The following SMCO4 variants were observed in gnomAD, a reference collection of about 807,000 sequenced individuals.
SMCO4 encodes single-pass membrane and coiled-coil domain-containing protein 4.
SMCO4 carries 4 observed loss-of-function variants against 3.6 expected under a neutral mutation model. The observed-to-expected ratio is 1.11, with a 90% CI of 0.54 to 2.53. The LOEUF (loss-of-function observed/expected upper bound fraction) is 2.53. Ranked by LOEUF, SMCO4 falls within the 30% of genes most tolerant of loss-of-function variation. The probability of loss-of-function intolerance (pLI) is 0.02; values close to 1 mark genes in which losing one functional copy is unlikely to be tolerated. For synonymous variants in SMCO4, 36 were observed against 35.3 expected, an observed-to-expected ratio of 1.02 and a Z score of -0.07; for missense variants, 70 against 80.8, an observed-to-expected ratio of 0.87 and a Z score of 0.51.
In SMCO4 at chr11:93,526,489, T is replaced by C. The variant is rs1203414444; in HGVS notation, c.-154+16787A>G. ...AGTGAAATCCTAGAGCATTCAGCAC[T>C]AGGCAGTACAACACCAGGTAGACAG... On this transcript the variant is annotated intron_variant, in intron 1 of 2. Coordinates refer to ENST00000298966, the MANE Select transcript of SMCO4 (RefSeq NM_020179.3). Among the ~76,000 whole-genome samples, 4 of 152,238 alleles carry C rather than the reference T, an allele frequency of 2.6e-5. No individual in the cohort carries two copies. In the South Asian group the frequency reaches 8.3e-4, roughly 32 times the overall value.
At chr11:93,505,567 C>T (rs1414198196) in intron 1 of SMCO4, among the ~76,000 whole-genome samples, 1 of 152,106 alleles carries the variant, frequency 6.6e-6, no homozygotes, top group Non-Finnish European at 1.5e-5. Context: ...CCTAATTTTA[C>T]GACTTATGCC....
At chr11:93,487,196 G>C (rs781684100) in intron 2 of SMCO4, among the ~76,000 whole-genome samples, 1 of 152,112 alleles carries the variant, frequency 6.6e-6, no homozygotes, top group African/African-American at 2.4e-5. Flanking sequence ...AGCCATAACG[G>C]GCCTGTGATC....
At chr11:93,534,600 AC>A in intron 1 of SMCO4, among the ~76,000 whole-genome samples, 2 of 152,314 alleles carry the variant, frequency 1.3e-5, no homozygotes, top group East Asian at 1.9e-4. Context: ...CAAGGCACAC[AC>A]CCATAAGGTG....
At chr11:93,499,163 CCAGG>C (rs1327742793) in intron 2 of SMCO4, 109 bp downstream of exon 2, 1 of 152,090 alleles carries the variant, frequency 6.6e-6, no homozygotes, top group Non-Finnish European at 1.5e-5. Flanking sequence ...AGGAACTTGG[CCAGG>C]CAGAGAGAAG....
chr11:93,490,392 T>C (rs1157563671), intron 2 of SMCO4, among the ~76,000 whole-genome samples: 2 of 152,210 alleles, frequency 1.3e-5, no homozygotes, highest in Non-Finnish European at 2.9e-5. Flanking sequence ...TCCAAAACAA[T>C]GGCTTTTGAA....
upstream of SMCO4, among the ~76,000 whole-genome samples, chr11:93,546,671 G>A (rs1040646256): frequency 3.3e-5 from 5 of 152,280 alleles, no homozygotes; most frequent in South Asian, 2.1e-4. Flanking sequence ...AGTTCTTTAC[G>A]CTGTTAGTTG....
chr11:93,545,608 A>AAAG (rs1555081223), upstream of SMCO4, among the ~76,000 whole-genome samples: 8 of 144,780 alleles, frequency 5.5e-5, no homozygotes, highest in East Asian at 7.9e-4. Context: ...AAAAAAAAAA[A>AAAG]AGAGAGAGAG....
intron 2 of SMCO4, among the ~76,000 whole-genome samples, chr11:93,494,878 C>T (rs981679589): frequency 6.6e-6 from 1 of 152,076 alleles, no homozygotes; most frequent in Non-Finnish European, 1.5e-5. Context: ...GAATAAAATC[C>T]AAATCCCTTG....
At chr11:93,506,447 T>C (rs1382474244) in intron 1 of SMCO4, among the ~76,000 whole-genome samples, 2 of 151,804 alleles carry the variant, frequency 1.3e-5, no homozygotes, top group East Asian at 3.9e-4. Flanking sequence ...CAGCTTTTTT[T>C]TTTTTTTTTG....
At chr11:93,532,683 C>G (rs1949174588) in intron 1 of SMCO4, among the ~76,000 whole-genome samples, 1 of 152,152 alleles carries the variant, frequency 6.6e-6, no homozygotes, top group Admixed American at 6.5e-5. Flanking sequence ...GAGGCAGAGA[C>G]TGAAGCTATG....
At chr11:93,535,290 G>A (rs981010592) in intron 1 of SMCO4, among the ~76,000 whole-genome samples, 3 of 152,144 alleles carry the variant, frequency 2.0e-5, no homozygotes, top group East Asian at 1.9e-4. Context: ...GTGGCATGAC[G>A]CTTACACCAC....
intron 1 of SMCO4, among the ~76,000 whole-genome samples, chr11:93,511,398 A>T (rs1198640442): frequency 1.3e-5 from 2 of 152,090 alleles, no homozygotes; most frequent in East Asian, 3.9e-4. Flanking sequence ...GTCCTCAAAT[A>T]GCATCATTGC....
rs893409700 is a variant in SMCO4, at chr11:93,508,162, A to G, written c.-153-8814T>C. Among the ~76,000 whole-genome samples the G allele has an allele frequency of 2.6e-5, 4 of 152,178 alleles. No individual in the cohort carries two copies. In the East Asian group the frequency reaches 7.7e-4, roughly 29 times the overall value. On this transcript the variant is annotated intron_variant, in intron 1 of 2. Coordinates refer to ENST00000298966, the MANE Select transcript of SMCO4 (RefSeq NM_020179.3). ...TCTCACTAATTTTTAAGAGTTACATAAAGGGGTCCTGAAACCAATTGTGGA... is the reference window on the plus strand; with the variant it reads ...TCTCACTAATTTTTAAGAGTTACATGAAGGGGTCCTGAAACCAATTGTGGA...
chr11:93,535,271 C>T (rs557757349), intron 1 of SMCO4, among the ~76,000 whole-genome samples: 1 of 152,302 alleles, frequency 6.6e-6, no homozygotes, highest in Non-Finnish European at 1.5e-5. Flanking sequence ...TACCACAATG[C>T]CACCACTGGT....
At chr11:93,505,900 T>C (rs888551019) in intron 1 of SMCO4, among the ~76,000 whole-genome samples, 4 of 150,902 alleles carry the variant, frequency 2.7e-5, no homozygotes, top group East Asian at 3.9e-4. Context: ...ATGATGAAAA[T>C]AGCTAACATT....
At chr11:93,499,491 G>C (rs1271060395) in intron 1 of SMCO4, 143 bp from the exon 2 acceptor site, 1 of 152,210 alleles carries the variant, frequency 6.6e-6, no homozygotes, top group Non-Finnish European at 1.5e-5. Flanking sequence ...ATAGACACTT[G>C]TCACCGCCCT....
the SMCO4 span, among the ~76,000 whole-genome samples, chr11:93,553,139 G>A: frequency 1.3e-5 from 2 of 152,216 alleles, no homozygotes; most frequent in African/African-American, 4.8e-5. Context: ...TACAGGCAAA[G>A]AATTCTAAAT....
the SMCO4 span, among the ~76,000 whole-genome samples, chr11:93,553,013 C>T: frequency 9.9e-5 from 15 of 152,158 alleles, no homozygotes; most frequent in Non-Finnish European, 1.6e-4. Flanking sequence ...ACGTCAAAGG[C>T]CTGGCCACAG....
At chr11:93,517,924 C>T (rs1461944029) in intron 1 of SMCO4, among the ~76,000 whole-genome samples, 7 of 152,120 alleles carry the variant, frequency 4.6e-5, no homozygotes, top group South Asian at 4.1e-4. Context: ...CATATGCTGC[C>T]GCTCCAAATT....
Sources: gnomAD v4.1 joint callset for allele counts (sites outside exome capture counted in the v4.1 genomes callset) on GRCh38, gnomAD v4.1.1 for gene constraint, MANE v1.5 for transcripts, NCBI Gene and HGNC (gene_info 2026-07-23, HGNC 2026-07-21) for gene names.